TREH: variants seen among roughly 807,000 people sequenced by gnomAD.
TREH encodes the protein alpha,alpha-trehalose glucohydrolase.
Under a neutral mutation model 80.5 loss-of-function variants are expected in TREH, and 69 were observed. That is an observed-to-expected ratio of 0.86 (90% confidence interval 0.71 to 1.05). The LOEUF is 1.05. Ranked by LOEUF, TREH falls within the 50% of genes least tolerant of loss-of-function variation. The pLI, the probability that TREH is intolerant of heterozygous loss-of-function variation, is 0.00. For synonymous variants in TREH, 309 were observed against 293.5 expected, an observed-to-expected ratio of 1.05 and a Z score of -0.54; for missense variants, 716 against 718.8, an observed-to-expected ratio of 1.00 and a Z score of 0.04.
chr11:118,660,490 G>A (rs1555144645), intron 10 of TREH, 49 bp downstream of exon 10: 4 of 1,518,960 alleles, frequency 2.6e-6, no homozygotes, highest in Non-Finnish European at 3.6e-6. Flanking sequence ...TGCCAAGCCT[G>A]AGCAGGAAAC....
intron 14 of TREH, 109 bp downstream of exon 14, chr11:118,658,571 T>TC: frequency 1.3e-6 from 2 of 1,516,130 alleles, no homozygotes; most frequent in Admixed American, 2.0e-5. Context: ...AGTCAGCTCC[T>TC]CCCCCGGGCC....
rs1949222794 is a variant in TREH at position 118,658,077 on chromosome 11, G to C, written c.*212C>G. 1 of 644,766 alleles carries C rather than the reference G, an allele frequency of 1.6e-6. No individual in the cohort carries two copies. The highest frequency in any genetic ancestry group is 2.2e-5 in the South Asian group (1 of 44,740). 39.9% of individuals were successfully genotyped at this position (644,766 alleles called of 1,614,324 possible). On this transcript the variant is annotated 3_prime_UTR_variant, in exon 15 of 15. Coordinates refer to ENST00000264029, the MANE Select transcript of TREH (RefSeq NM_007180.3). ...CTTGGCGCTGAGGCACTTGGGGATAGGTCTTCCCTCCAGAGCAGGATTTCC... is the reference window on the plus strand; with the variant it reads ...CTTGGCGCTGAGGCACTTGGGGATACGTCTTCCCTCCAGAGCAGGATTTCC...
chr11:118,665,672 T>C (rs782481212), intron 1 of TREH, among the ~76,000 whole-genome samples: 1 of 152,148 alleles, frequency 6.6e-6, no homozygotes, highest in Non-Finnish European at 1.5e-5. Flanking sequence ...ACTGCAACTG[T>C]ACCTTTAAAC....
chr11:118,669,120 A>G (rs1019029387), intron 1 of TREH, among the ~76,000 whole-genome samples: 5 of 152,214 alleles, frequency 3.3e-5, no homozygotes, highest in Admixed American at 6.5e-5. Context: ...TCATCAGAGA[A>G]ATGCAAATCA....
rs782696695 is a variant in TREH at position 118,661,594 on chromosome 11, C to T, written c.617+43G>A. On this transcript the variant is annotated intron_variant, in intron 6 of 14. Coordinates refer to ENST00000264029, the MANE Select transcript of TREH (RefSeq NM_007180.3). The surrounding 1 kb of genome is among the most constrained non-coding windows in gnomAD (Gnocchi z 4.2). ...CAGCTGCATGCCCGTGGCACACCTGCCTCTCCTCCCCACCTAGGCTGGAGG... is the reference window on the plus strand; with the variant it reads ...CAGCTGCATGCCCGTGGCACACCTGTCTCTCCTCCCCACCTAGGCTGGAGG... The T allele has an allele frequency of 4.3e-6, 7 of 1,613,556 alleles. No homozygotes were observed.
intron 1 of TREH, among the ~76,000 whole-genome samples, chr11:118,667,643 G>A (rs1555145798): frequency 6.6e-6 from 1 of 152,190 alleles, no homozygotes; most frequent in African/African-American, 2.4e-5. Context: ...TAGGTGTGAT[G>A]TCCACTCATC....
chr11:118,675,955 G>A (rs560070810), intron 1 of TREH, among the ~76,000 whole-genome samples: 142 of 152,198 alleles, frequency 9.3e-4, no homozygotes, highest in Non-Finnish European at 1.7e-3. Context: ...CATCCACCTC[G>A]GCCTCCCAAA....
At chr11:118,662,442 G>T (rs1390650205) in intron 4 of TREH, among the ~76,000 whole-genome samples, 1 of 152,260 alleles carries the variant, frequency 6.6e-6, no homozygotes, top group African/African-American at 2.4e-5. Flanking sequence ...CTTTCCCCAG[G>T]TGAGGGGATG....
At chr11:118,676,242 C>A (rs1028865539) in intron 1 of TREH, among the ~76,000 whole-genome samples, 6 of 152,316 alleles carry the variant, frequency 3.9e-5, no homozygotes, top group Non-Finnish European at 8.8e-5. Flanking sequence ...TGTCTAGGGA[C>A]CCACCATAAG....
At chr11:118,671,139 A>C (rs1460819427) in intron 1 of TREH, among the ~76,000 whole-genome samples, 1 of 152,156 alleles carries the variant, frequency 6.6e-6, no homozygotes, top group Non-Finnish European at 1.5e-5. Flanking sequence ...AGCAGTAGGC[A>C]ATATATTTGT....
At position 118,660,571 on chromosome 11, in the gene TREH, T is replaced by C. The variant is rs782082446; in HGVS notation, c.1070A>G (p.Glu357Gly). 1 of 1,609,832 alleles carries C rather than the reference T, an allele frequency of 6.2e-7. No individual in the cohort carries two copies. The highest frequency in any genetic ancestry group is 2.2e-5 in the East Asian group (1 of 44,782). The change falls in exon 10 of 15, where the codon GAG becomes GGG. Residue 357 changes from glutamate to glycine, a missense_variant. Physicochemically the swap from Glu to Gly is moderately conservative, Grantham distance 98. Transcript: ENST00000264029. ...GGAATAGAAGTTGCTCATCAGCTCCTCTGCTTGGCATAGGAAGGCATTCAG... is the reference window on the plus strand; with the variant it reads ...GGAATAGAAGTTGCTCATCAGCTCCCCTGCTTGGCATAGGAAGGCATTCAG... ...VDLNAFLCQAEELMSNFYSRL... is the reference protein window; with the variant it reads ...VDLNAFLCQAGELMSNFYSRL...
At chr11:118,665,292 C>T (rs1270234541) in intron 1 of TREH, among the ~76,000 whole-genome samples, 1 of 151,980 alleles carries the variant, frequency 6.6e-6, no homozygotes, top group Non-Finnish European at 1.5e-5. Context: ...TACAGTGGCC[C>T]CACGACTAGG....
intron 1 of TREH, among the ~76,000 whole-genome samples, chr11:118,664,407 TGGGCAGTAGCCAATGGCCTGGCAG>T (rs1949357842): frequency 6.6e-6 from 1 of 152,252 alleles, no homozygotes; most frequent in Non-Finnish European, 1.5e-5. Flanking sequence ...TGCTGACTTA[TGGGCAGTAGCCAATGGCCTGGCAG>T]ATGGGCAGTG....
chr11:118,661,572 C>T lies in TREH; in HGVS notation c.618-63G>A, dbSNP rs1462508265. 6.2e-7 allele frequency: 1 copy of T among 1,612,672 alleles called. No homozygotes were observed. Among genetic ancestry groups the T allele is most frequent in the Non-Finnish European group, 8.5e-7 (1 of 1,178,962 alleles). On this transcript the variant is annotated intron_variant, in intron 6 of 14. Transcript: ENST00000264029. This position sits in a 1 kb window ranked among gnomAD's most constrained non-coding sequence, Gnocchi z 4.2. ...AGCAACTGGCACCAAGGCAATCCAGCTGCATGCCCGTGGCACACCTGCCTC... is the reference window on the plus strand; with the variant it reads ...AGCAACTGGCACCAAGGCAATCCAGTTGCATGCCCGTGGCACACCTGCCTC...
intron 1 of TREH, among the ~76,000 whole-genome samples, chr11:118,673,472 G>T (rs1949448423): frequency 6.6e-6 from 1 of 152,178 alleles, no homozygotes; most frequent in Non-Finnish European, 1.5e-5. Context: ...AGTACTTACT[G>T]GCATTTTGTG....
Position 118,661,555 on chromosome 11 carries a change from G to T in TREH, c.618-46C>A. ...TGAGATGCCCTCTCCCCAGCAACTG[G>T]CACCAAGGCAATCCAGCTGCATGCC... On this transcript the variant is annotated intron_variant, in intron 6 of 14. Coordinates refer to ENST00000264029, the MANE Select transcript of TREH (RefSeq NM_007180.3). The surrounding 1 kb of genome is among the most constrained non-coding windows in gnomAD (Gnocchi z 4.2). 1 of 1,612,502 alleles carries T rather than the reference G, an allele frequency of 6.2e-7. No individual in the cohort carries two copies. The highest frequency in any genetic ancestry group is 2.2e-5 in the East Asian group (1 of 44,850).
intron 10 of TREH, 22 bp from the exon 11 acceptor site, chr11:118,659,986 A>G: frequency 1.3e-6 from 2 of 1,547,328 alleles, no homozygotes; most frequent in African/African-American, 1.4e-5. Flanking sequence ...CTGCCTTTAG[A>G]GCCAGCAGCC....
At chr11:118,663,646 A>G (rs1949350360) in intron 1 of TREH, among the ~76,000 whole-genome samples, 1 of 152,170 alleles carries the variant, frequency 6.6e-6, no homozygotes, top group African/African-American at 2.4e-5. Context: ...GTCTTTGGGC[A>G]GTAAAGTACC....
intron 1 of TREH, among the ~76,000 whole-genome samples, chr11:118,670,699 T>C (rs1210409590): frequency 6.6e-6 from 1 of 152,196 alleles, no homozygotes; most frequent in Non-Finnish European, 1.5e-5. Flanking sequence ...CATCACCAGA[T>C]CATATGACAA....
Sources: allele counts gnomAD v4.1 joint callset (sites outside exome capture counted in the v4.1 genomes callset), GRCh38; gene constraint gnomAD v4.1.1; non-coding constraint Gnocchi (gnomAD v3.1); transcripts MANE v1.5; gene names NCBI Gene and HGNC (gene_info 2026-07-23, HGNC 2026-07-21).